Variants in SMYD3 observed in about 807,000 individuals in gnomAD.
The protein encoded by SMYD3 is SET and MYND domain containing 3, also known as histone-lysine N-methyltransferase SMYD3.
Under a neutral mutation model 57.7 loss-of-function variants are expected in SMYD3, and 36 were observed. The observed-to-expected ratio is 0.62, with a 90% CI of 0.48 to 0.82. The LOEUF (loss-of-function observed/expected upper bound fraction) is 0.82, where lower values mean the gene tolerates loss of function less well. SMYD3 is among the 40% of genes least tolerant of loss of function. SMYD3 has a pLI of 0.00. For synonymous variants in SMYD3, 211 were observed against 195.0 expected (o/e 1.08, Z -0.68); for missense variants, 515 against 538.8 (o/e 0.96, Z 0.44).
chr1:246,189,419 T>G (rs758166513), intron 5 of SMYD3, among the ~76,000 whole-genome samples: 7 of 152,222 alleles, frequency 4.6e-5, no homozygotes, highest in Non-Finnish European at 1.0e-4. Flanking sequence ...CATGACTGAC[T>G]GGATGAATAT....
rs547964904 is a variant in SMYD3, at chr1:246,348,625, G to A, written c.228+6406C>T. Among the ~76,000 whole-genome samples the A allele has an allele frequency of 1.2e-4, 19 of 152,124 alleles. No homozygotes were observed. In the East Asian group the frequency reaches 3.7e-3, roughly 29 times the overall value. ...GAAGGGGAAGGAGGAGGAGGTGCAA[G>A]GGTTGAAAAACTACCTTTTGAGTAC... On this transcript the variant is annotated intron_variant, in intron 2 of 11. Transcript: ENST00000490107.
intron 5 of SMYD3, among the ~76,000 whole-genome samples, chr1:246,145,616 G>A (rs1285937072): frequency 4.6e-5 from 7 of 152,180 alleles, no homozygotes; most frequent in Non-Finnish European, 7.3e-5. Context: ...TCAGGTGACC[G>A]AGTGTGAACT....
At chr1:245,964,615 A>G (rs2058093646) in intron 5 of SMYD3, among the ~76,000 whole-genome samples, 1 of 152,250 alleles carries the variant, frequency 6.6e-6, no homozygotes, top group Non-Finnish European at 1.5e-5. Context: ...ACAGATAAGT[A>G]TAAGCAGATG....
intron 1 of SMYD3, among the ~76,000 whole-genome samples, chr1:246,480,681 T>C (rs2068088436): frequency 1.3e-5 from 2 of 152,186 alleles, no homozygotes; most frequent in Non-Finnish European, 2.9e-5. Context: ...TGAGTATCCA[T>C]AGAAAACATA....
intron 1 of SMYD3, among the ~76,000 whole-genome samples, chr1:246,373,956 A>G (rs2066230860): frequency 6.6e-6 from 1 of 152,202 alleles, no homozygotes; most frequent in African/African-American, 2.4e-5. Flanking sequence ...TTCAACAAAA[A>G]TATACTGACC....
At chr1:246,073,263 G>A (rs1047656942) in intron 5 of SMYD3, among the ~76,000 whole-genome samples, 1 of 152,144 alleles carries the variant, frequency 6.6e-6, no homozygotes, top group Non-Finnish European at 1.5e-5. Context: ...ATTTTACTGT[G>A]TAAAGTGGCC....
chr1:245,944,979 A>T (rs1398816622), intron 5 of SMYD3, among the ~76,000 whole-genome samples: 1 of 152,210 alleles, frequency 6.6e-6, no homozygotes, highest in Non-Finnish European at 1.5e-5. Flanking sequence ...ATTATACAAA[A>T]ATTAACTCAA....
rs566808762 is a variant in SMYD3 at position 245,816,676 on chromosome 1, G to A, written c.1076+41820C>T. Among the ~76,000 whole-genome samples, 46 of 152,142 alleles carry A rather than the reference G, an allele frequency of 3.0e-4. No homozygotes were observed. In the South Asian group the frequency reaches 9.6e-3, roughly 32 times the overall value. ...TAGGGAGTGCCAGACAGTGGGCACA[G>A]GTCAGTGGGTGCGCGCACCGTGCGC... On this transcript the variant is annotated intron_variant, in intron 10 of 11. Coordinates refer to ENST00000490107, the MANE Select transcript of SMYD3 (RefSeq NM_001167740.2).
intron 2 of SMYD3, among the ~76,000 whole-genome samples, chr1:246,353,238 G>A (rs1443178665): frequency 6.6e-6 from 1 of 152,140 alleles, no homozygotes; most frequent in African/African-American, 2.4e-5. Flanking sequence ...ATTAGAAAGT[G>A]TTATACTGGC....
chr1:246,483,213 G>T (rs1456324822), intron 1 of SMYD3, among the ~76,000 whole-genome samples: 1 of 152,166 alleles, frequency 6.6e-6, no homozygotes, highest in African/African-American at 2.4e-5. Flanking sequence ...CAATTGATGT[G>T]CCTGAACATT....
chr1:246,141,800 G>A (rs1309109139), intron 5 of SMYD3, among the ~76,000 whole-genome samples: 1 of 152,248 alleles, frequency 6.6e-6, no homozygotes, highest in Admixed American at 6.5e-5. Context: ...ACTAGTTGCT[G>A]TTTAAACCCT....
rs1225720175 is a variant in SMYD3 at position 246,484,233 on chromosome 1, GCACTAGTTACACCTAAAAACA to G, written c.164+22800_164+22820del. Among the ~76,000 whole-genome samples the G allele has an allele frequency of 6.9e-4, 35 of 50,892 alleles. 2 individuals are homozygous for G. Among genetic ancestry groups the G allele is most frequent in the African/African-American group, 2.6e-3 (20 of 7,780 alleles). 33.4% of individuals were successfully genotyped at this position (50,892 alleles called of 152,430 possible). A position where few individuals can be genotyped will look rare whatever the true frequency, so the allele number is the denominator to read the frequency against. ...CTTCAACCAAAATACCTAAACCACTGCACTAGTTACACCTAAAAACACATCACTTCAACCAAAATACCTAAA... is the reference window on the plus strand; with the variant it reads ...CTTCAACCAAAATACCTAAACCACTGCATCACTTCAACCAAAATACCTAAA... On this transcript the variant is annotated intron_variant, in intron 1 of 11. Transcript: ENST00000490107.
At chr1:245,952,776 C>T (rs776213923) in intron 5 of SMYD3, among the ~76,000 whole-genome samples, 3 of 152,190 alleles carry the variant, frequency 2.0e-5, no homozygotes, top group Admixed American at 6.5e-5. Context: ...GGAGATACAG[C>T]CTTGGCTACG....
At chr1:246,316,016 T>A (rs1461920409) in intron 5 of SMYD3, among the ~76,000 whole-genome samples, 4 of 152,180 alleles carry the variant, frequency 2.6e-5, no homozygotes, top group Admixed American at 6.5e-5. Flanking sequence ...ATATTATATC[T>A]CTAAAACATA....
chr1:246,351,617 A>G (rs1300188217), intron 2 of SMYD3, among the ~76,000 whole-genome samples: 7 of 152,228 alleles, frequency 4.6e-5, no homozygotes, highest in African/African-American at 1.7e-4. Flanking sequence ...ACAGTACTGT[A>G]CACAGGAGTA....
chr1:246,332,577 G>A (rs983687789), intron 3 of SMYD3, among the ~76,000 whole-genome samples: 6 of 152,234 alleles, frequency 3.9e-5, no homozygotes, highest in Non-Finnish European at 8.8e-5. Flanking sequence ...AGGCCAAGGC[G>A]GGCAGATCAC....
chr1:246,049,798 C>T (rs2060036291), intron 5 of SMYD3, among the ~76,000 whole-genome samples: 1 of 152,026 alleles, frequency 6.6e-6, no homozygotes, highest in Non-Finnish European at 1.5e-5. Context: ...TATGAGATTC[C>T]TCCCACACCT....
At chr1:246,222,577 A>T (rs1488623176) in intron 5 of SMYD3, among the ~76,000 whole-genome samples, 1 of 152,202 alleles carries the variant, frequency 6.6e-6, no homozygotes, top group Non-Finnish European at 1.5e-5. Context: ...CCTGTCATAG[A>T]GTAGATTCTT....
At chr1:245,761,815 T>A (rs888736052) in intron 11 of SMYD3, among the ~76,000 whole-genome samples, 1 of 134,902 alleles carries the variant, frequency 7.4e-6, no homozygotes. Context: ...TGAGACAGTC[T>A]CACTCTGTCG....
Sources: allele counts gnomAD v4.1 joint callset (sites outside exome capture counted in the v4.1 genomes callset), GRCh38; gene constraint gnomAD v4.1.1; transcripts MANE v1.5; gene names NCBI Gene and HGNC (gene_info 2026-07-23, HGNC 2026-07-21).